SDK1: variants seen among roughly 807,000 people sequenced by gnomAD.
SDK1 encodes sidekick cell adhesion molecule 1.
Under a neutral mutation model 245.5 loss-of-function variants are expected in SDK1, and 157 were observed. The ratio of observed to expected loss-of-function variants is 0.64; its 90% CI spans 0.56 to 0.73. SDK1 has a LOEUF of 0.73. SDK1 is among the 30% of genes least tolerant of loss of function. The pLI is 0.00. For synonymous variants in SDK1, 1,647 were observed against 1,278.5 expected (o/e 1.29, Z -6.15); for missense variants, 3,583 against 3,002.3 (o/e 1.19, Z -4.52).
At chr7:4,005,899 C>T (rs55798205) in intron 14 of SDK1, among the ~76,000 whole-genome samples, 17,235 of 152,010 alleles carry the variant, frequency 0.11, 1,148 homozygotes, top group African/African-American at 0.19. Context: ...GGCACGGTGG[C>T]ACACACCTGT....
intron 1 of SDK1, among the ~76,000 whole-genome samples, chr7:3,604,859 C>T (rs1424550778): frequency 5.3e-5 from 8 of 151,982 alleles, no homozygotes; most frequent in South Asian, 4.1e-4. Flanking sequence ...ACCTCGGCCT[C>T]CCAAAGTGCT....
chr7:3,956,107 C>T (rs760380161), intron 7 of SDK1, among the ~76,000 whole-genome samples: 7 of 152,168 alleles, frequency 4.6e-5, no homozygotes, highest in Non-Finnish European at 1.0e-4. Context: ...TTGTTGGCTG[C>T]AGTCAGGATC....
intron 1 of SDK1, among the ~76,000 whole-genome samples, chr7:3,613,505 G>A (rs1376689810): frequency 6.6e-6 from 1 of 152,108 alleles, no homozygotes; most frequent in East Asian, 1.9e-4. Context: ...CTAACTGGTA[G>A]CTTATTTTGG....
intron 4 of SDK1, among the ~76,000 whole-genome samples, chr7:3,750,002 A>G (rs561867007): frequency 6.3e-4 from 96 of 152,242 alleles, no homozygotes; most frequent in Non-Finnish European, 1.2e-3. Flanking sequence ...AAGCTCACAT[A>G]GGCTTTACAG....
chr7:4,254,258 G>T (rs1021640524), intron 44 of SDK1, among the ~76,000 whole-genome samples: 2 of 151,238 alleles, frequency 1.3e-5, no homozygotes, highest in African/African-American at 4.9e-5. Flanking sequence ...CTTATTATAC[G>T]TATGTTGGTG....
intron 1 of SDK1, among the ~76,000 whole-genome samples, chr7:3,613,825 G>A (rs1416549498): frequency 1.3e-5 from 2 of 152,188 alleles, no homozygotes; most frequent in Non-Finnish European, 2.9e-5. Flanking sequence ...GTCCTTTGCA[G>A]GGAGATGGAT....
chr7:4,044,244 C>A (rs998726049), intron 17 of SDK1, among the ~76,000 whole-genome samples: 3 of 152,172 alleles, frequency 2.0e-5, no homozygotes, highest in African/African-American at 7.2e-5. Context: ...GGGCAGCTGC[C>A]CCTGGCCTCG....
intron 4 of SDK1, among the ~76,000 whole-genome samples, chr7:3,699,850 A>C (rs780113684): frequency 1.3e-5 from 2 of 152,228 alleles, no homozygotes; most frequent in African/African-American, 4.8e-5. Context: ...ATAACCTTTC[A>C]AGAAGCCGAG....
chr7:3,887,222 C>T (rs1781358191), intron 5 of SDK1, among the ~76,000 whole-genome samples: 1 of 152,060 alleles, frequency 6.6e-6, no homozygotes, highest in African/African-American at 2.4e-5. Context: ...TCAGCAGTAG[C>T]CCTGGCAAAT....
In SDK1 at chr7:3,577,402, T is replaced by C. The variant is rs115976987; in HGVS notation, c.299-41678T>C. ...GTCATAGCATCAGAGTGGCCCATGA[T>C]GTCTGACCATGCAGGTCTTCACTGA... On this transcript the variant is annotated intron_variant, in intron 1 of 44. Transcript: ENST00000404826. 9.6e-3 allele frequency among the ~76,000 whole-genome samples: 1,462 copies of C among 152,132 alleles called. 23 individuals are homozygous for C. The highest frequency in any genetic ancestry group is 0.026 in the African/African-American group (1,072 of 41,542).
intron 7 of SDK1, among the ~76,000 whole-genome samples, chr7:3,953,374 G>C (rs1427555763): frequency 6.6e-6 from 1 of 152,160 alleles, no homozygotes; most frequent in Non-Finnish European, 1.5e-5. Context: ...AGCATCCAAG[G>C]AAGCCGGCTT....
chr7:3,518,814 G>C (rs1287069633), intron 1 of SDK1, among the ~76,000 whole-genome samples: 1 of 152,124 alleles, frequency 6.6e-6, no homozygotes, highest in African/African-American at 2.4e-5. Flanking sequence ...CAGAGGAAAG[G>C]AAATCAGTTT....
At chr7:3,991,990 C>G (rs887989764) in intron 14 of SDK1, among the ~76,000 whole-genome samples, 2 of 152,256 alleles carry the variant, frequency 1.3e-5, no homozygotes, top group Admixed American at 1.3e-4. Flanking sequence ...TGCACTTGGC[C>G]TCCACTCAGC....
chr7:3,883,487 G>T (rs1028046107), intron 5 of SDK1, among the ~76,000 whole-genome samples: 2 of 152,074 alleles, frequency 1.3e-5, no homozygotes, highest in African/African-American at 4.8e-5. Flanking sequence ...ATTATTTGAG[G>T]CCCCTAAAAA....
At position 3,878,242 on chromosome 7, in the gene SDK1, C is replaced by T. The variant is rs568099997; in HGVS notation, c.847+56659C>T. Among the ~76,000 whole-genome samples, 18 of 152,060 alleles carry T rather than the reference C, an allele frequency of 1.2e-4. No homozygotes were observed. The South Asian group carries it at 1.5e-3, about 13-fold the overall frequency. Reference sequence around the variant, plus strand: ...TAAAAAATAAATAAAGGCTTTTGGCCGGGTGCGGTGGCTCACGCCTGTAAT... The same window carrying T: ...TAAAAAATAAATAAAGGCTTTTGGCTGGGTGCGGTGGCTCACGCCTGTAAT... On this transcript the variant is annotated intron_variant, in intron 5 of 44. Coordinates refer to ENST00000404826, the MANE Select transcript of SDK1 (RefSeq NM_152744.4).
intron 28 of SDK1, among the ~76,000 whole-genome samples, chr7:4,137,749 G>A (rs969605370): frequency 2.0e-5 from 3 of 152,156 alleles, no homozygotes; most frequent in Non-Finnish European, 2.9e-5. Context: ...CGCACACGCC[G>A]CCGTCTTCTG....
At position 3,950,680 on chromosome 7, in the gene SDK1, C is replaced by G. The variant is rs113353052; in HGVS notation, c.848-243C>G. 6.7e-3 allele frequency among the ~76,000 whole-genome samples: 1,022 copies of G among 152,218 alleles called. 10 individuals are homozygous for G. The highest frequency in any genetic ancestry group is 0.011 in the Non-Finnish European group (721 of 68,018). Reference sequence around the variant, plus strand: ...GTTGAAAATATCGGAAGTCAAAACGCGCTTTTGTAGCCCCGTTGTAAGTTG... The same window carrying G: ...GTTGAAAATATCGGAAGTCAAAACGGGCTTTTGTAGCCCCGTTGTAAGTTG... On this transcript the variant is annotated intron_variant, in intron 5 of 44. Transcript: ENST00000404826.
At chr7:3,764,793 A>G (rs1780207091) in intron 4 of SDK1, among the ~76,000 whole-genome samples, 2 of 152,210 alleles carry the variant, frequency 1.3e-5, no homozygotes, top group South Asian at 4.1e-4. Context: ...ATTCATAATG[A>G]ATATGTATTT....
At chr7:3,358,709 A>G (rs1021643644) in intron 1 of SDK1, among the ~76,000 whole-genome samples, 7 of 152,196 alleles carry the variant, frequency 4.6e-5, no homozygotes, top group African/African-American at 9.7e-5. Context: ...AATGAATCCA[A>G]TTGGCAGTCA....
Sources: gnomAD v4.1 joint callset for allele counts (sites outside exome capture counted in the v4.1 genomes callset) on GRCh38, gnomAD v4.1.1 for gene constraint, MANE v1.5 for transcripts, NCBI Gene and HGNC (gene_info 2026-07-23, HGNC 2026-07-21) for gene names.